Variants in TTC8 observed in about 807,000 individuals in gnomAD.
TTC8 encodes tetratricopeptide repeat protein 8.
Under a neutral mutation model 72.5 loss-of-function variants are expected in TTC8, and 47 were observed. The ratio of observed to expected loss-of-function variants is 0.65; its 90% CI spans 0.51 to 0.83. TTC8 has a LOEUF of 0.83. Ranked by LOEUF, TTC8 falls within the 40% of genes least tolerant of loss-of-function variation. TTC8 has a pLI of 0.00. For synonymous variants in TTC8, 199 were observed against 221.4 expected (o/e 0.90, Z 0.90); for missense variants, 611 against 623.2 (o/e 0.98, Z 0.21).
intron 3 of TTC8, 33 bp downstream of exon 3, chr14:88,839,605 A>G (rs2094770456): frequency 6.2e-7 from 1 of 1,610,992 alleles, no homozygotes; most frequent in East Asian, 2.2e-5. Context: ...AGTTAATGAA[A>G]TACCATTAAG....
At chr14:88,826,550 A>C (rs904127444) in intron 1 of TTC8, among the ~76,000 whole-genome samples, 6 of 151,744 alleles carry the variant, frequency 4.0e-5, no homozygotes, top group Non-Finnish European at 7.4e-5. Context: ...TAAAAATAGA[A>C]AAAATTAGCC....
intron 1 of TTC8, among the ~76,000 whole-genome samples, chr14:88,832,213 C>T (rs981684588): frequency 2.0e-5 from 3 of 152,192 alleles, no homozygotes; most frequent in East Asian, 1.9e-4. Context: ...AGAGAGATCG[C>T]GGAGACTTTC....
chr14:88,833,188 A>G (rs148071777), intron 1 of TTC8, among the ~76,000 whole-genome samples: 3 of 152,166 alleles, frequency 2.0e-5, no homozygotes, highest in African/African-American at 4.8e-5. Context: ...TAGATGTTTT[A>G]TAAATAAATT....
chr14:88,864,047 A>G (rs1177613161), intron 10 of TTC8, among the ~76,000 whole-genome samples: 1 of 152,172 alleles, frequency 6.6e-6, no homozygotes, highest in African/African-American at 2.4e-5. Flanking sequence ...TGAAAATGCT[A>G]GGTATGATAT....
intron 6 of TTC8, among the ~76,000 whole-genome samples, chr14:88,841,952 A>G (rs1194884426): frequency 6.6e-6 from 1 of 152,204 alleles, no homozygotes; most frequent in Non-Finnish European, 1.5e-5. Flanking sequence ...CAGGCATCTC[A>G]AAAAGGATTA....
chr14:88,833,284 G>C (rs2094734764), intron 1 of TTC8, among the ~76,000 whole-genome samples: 1 of 152,104 alleles, frequency 6.6e-6, no homozygotes, highest in Non-Finnish European at 1.5e-5. Context: ...TGAAGGGTTT[G>C]TGTTATGTGG....
chr14:88,872,221 G>A, intron 12 of TTC8, 109 bp from the exon 13 acceptor site: 12 of 1,464,662 alleles, frequency 8.2e-6, no homozygotes, highest in East Asian at 2.4e-5. Flanking sequence ...TTCTATAATT[G>A]TATGGTACTT....
At chr14:88,841,838 T>C (rs1318495444) in intron 6 of TTC8, among the ~76,000 whole-genome samples, 1 of 152,186 alleles carries the variant, frequency 6.6e-6, no homozygotes, top group East Asian at 1.9e-4. Context: ...ATTTTTTTCC[T>C]TTTTAGCTTG....
downstream of TTC8, chr14:88,880,033 A>T (rs1336738572): frequency 6.6e-6 from 1 of 152,162 alleles, no homozygotes; most frequent in African/African-American, 2.4e-5. Flanking sequence ...GATTTCTGTC[A>T]GGGTCTTTCA....
intron 2 of TTC8, among the ~76,000 whole-genome samples, chr14:88,838,409 T>A (rs565178205): frequency 1.3e-5 from 2 of 152,276 alleles, no homozygotes; most frequent in African/African-American, 4.8e-5. Context: ...GGACCTCCTG[T>A]AGCTCTCACC....
At chr14:88,872,233 A>G in intron 12 of TTC8, 97 bp from the exon 13 acceptor site, 1 of 1,533,976 alleles carries the variant, frequency 6.5e-7, no homozygotes, top group Non-Finnish European at 9.0e-7. Context: ...ATGGTACTTG[A>G]TGCTTTTTGT....
At chr14:88,839,644 T>C in intron 3 of TTC8, 72 bp downstream of exon 3, 1 of 1,474,574 alleles carries the variant, frequency 6.8e-7, no homozygotes, top group Admixed American at 1.7e-5. Flanking sequence ...AAGAGGAATA[T>C]ATATGCCTAT....
Position 88,840,918 on chromosome 14 carries a change from C to T in TTC8, c.319C>T (p.Gln107Ter), listed in dbSNP as rs184567029. 1.9e-6 allele frequency: 3 copies of T among 1,614,108 alleles called. No individual in the cohort carries two copies. The highest frequency in any genetic ancestry group is 2.5e-6 in the Non-Finnish European group (3 of 1,179,998). Residue 107 changes from glutamine to a stop codon, truncating the protein, a stop_gained, in exon 4 of 15, where the codon CAG (glutamine) becomes TAG (stop). Coordinates refer to ENST00000380656, the MANE Select transcript of TTC8 (RefSeq NM_144596.4). LOFTEE classifies it high-confidence loss of function. ...PGTNQTGGPS[Q>*]AVRPITQAGR... is the part of the protein sequence containing the mutation. ...AACTAATCAGACAGGAGGGCCTAGC[C>T]AGGCCGTTAGGTATGTACTTCTGCT...
intron 2 of TTC8, among the ~76,000 whole-genome samples, chr14:88,837,349 C>T (rs2094757562): frequency 6.6e-6 from 1 of 152,132 alleles, no homozygotes; most frequent in East Asian, 1.9e-4. Context: ...CCCTTCCTTC[C>T]ACTCCCAGGT....
chr14:88,862,588 A>T (rs1706258066), intron 10 of TTC8, among the ~76,000 whole-genome samples: 2 of 74,150 alleles, frequency 2.7e-5, no homozygotes, highest in South Asian at 4.7e-4. Context: ...ATATATATAT[A>T]TATATATATT....
chr14:88,858,226 G>C (rs2141009401), intron 9 of TTC8, among the ~76,000 whole-genome samples: 1 of 152,284 alleles, frequency 6.6e-6, no homozygotes, highest in Non-Finnish European at 1.5e-5. Flanking sequence ...CCTCCTTAAA[G>C]TGCTGGGGTT....
rs79747892 is a variant in TTC8, at chr14:88,877,282, T to C, written c.1432-12T>C. 10,015 of 1,606,928 alleles carry C rather than the reference T, an allele frequency of 6.2e-3. 560 individuals carry two copies. The African/African-American group carries it at 0.12, about 19-fold the overall frequency. ...ATCTCATTCCATGGTCTTATTCTTG[T>C]ATTTTTTGCAGATTGGAGATCTGCA... On this transcript the variant is annotated splice_polypyrimidine_tract_variant and intron_variant, in intron 14 of 14. Coordinates refer to ENST00000380656, the MANE Select transcript of TTC8 (RefSeq NM_144596.4).
chr14:88,876,152 T>G (rs905240996), intron 14 of TTC8, among the ~76,000 whole-genome samples: 2 of 152,190 alleles, frequency 1.3e-5, no homozygotes, highest in African/African-American at 4.8e-5. Flanking sequence ...TGTTTCCCAC[T>G]GTACTGTGCT....
chr14:88,846,256 G>A (rs2140986987), intron 7 of TTC8, among the ~76,000 whole-genome samples: 2 of 152,202 alleles, frequency 1.3e-5, no homozygotes, highest in South Asian at 4.1e-4. Context: ...AACCCAGGGA[G>A]GTCGAGGCTG....
Sources: allele counts gnomAD v4.1 joint callset (sites outside exome capture counted in the v4.1 genomes callset), GRCh38; gene constraint gnomAD v4.1.1; transcripts MANE v1.5; gene names NCBI Gene and HGNC (gene_info 2026-07-23, HGNC 2026-07-21).